MED23: variants seen among roughly 807,000 people sequenced by gnomAD.
MED23 encodes the protein mediator complex subunit 23, also known as mediator of RNA polymerase II transcription subunit 23.
Under a neutral mutation model 163.9 loss-of-function variants are expected in MED23, and 105 were observed. The ratio of observed to expected loss-of-function variants is 0.64; its 90% CI spans 0.55 to 0.75. The LOEUF (loss-of-function observed/expected upper bound fraction) is 0.75. Among genes scored for constraint, MED23 ranks in the 30% least tolerant of loss-of-function variants. MED23 has a pLI of 0.00. For missense variants in MED23, 1,054 were observed against 1,649.0 expected, an observed-to-expected ratio of 0.64 and a Z score of 6.25; for synonymous variants, 561 against 565.6, an observed-to-expected ratio of 0.99 and a Z score of 0.12.
At chr6:131,590,793 A>C (rs145769398) in intron 26 of MED23, among the ~76,000 whole-genome samples, 2,894 of 151,832 alleles carry the variant, frequency 0.019, 101 homozygotes, top group African/African-American at 0.065. Flanking sequence ...TAATTCTTTT[A>C]TTTTTAGTAG....
chr6:131,584,698 C>G (rs1165377201), downstream of MED23, among the ~76,000 whole-genome samples: 2 of 151,872 alleles, frequency 1.3e-5, no homozygotes, highest in Admixed American at 6.6e-5. Flanking sequence ...GGAAGATATT[C>G]CTGGCTGGAT....
chr6:131,603,290 T>C (rs1775617757), intron 15 of MED23, 86 bp from the exon 16 acceptor site: 1 of 1,313,340 alleles, frequency 7.6e-7, no homozygotes, highest in African/African-American at 1.5e-5. Flanking sequence ...GAGTAAAATA[T>C]AAAGATTTGA....
chr6:131,607,168 C>T (rs1041410531), intron 12 of MED23, among the ~76,000 whole-genome samples: 11 of 151,692 alleles, frequency 7.3e-5, no homozygotes, highest in African/African-American at 2.7e-4. Flanking sequence ...AAAGATGAAA[C>T]AAGAGTATTT....
intron 22 of MED23, among the ~76,000 whole-genome samples, chr6:131,595,079 T>C (rs959219597): frequency 6.6e-6 from 1 of 152,224 alleles, no homozygotes; most frequent in Non-Finnish European, 1.5e-5. Context: ...TGAGGGAAGG[T>C]ATCTTAAAGA....
intron 28 of MED23, 140 bp downstream of exon 28, chr6:131,589,325 G>A (rs1246126616): frequency 1.4e-6 from 1 of 713,580 alleles, no homozygotes; most frequent in East Asian, 2.7e-5. Context: ...GCCTAAAAAG[G>A]TCTCATACCC....
At chr6:131,583,901 C>T (rs1338971763), downstream of MED23, 1 of 1,613,916 alleles carries the variant, frequency 6.2e-7, no homozygotes. Flanking sequence ...CTTAACCCAC[C>T]TAAGTAAATG....
chr6:131,576,502 C>T (rs1420224988), intron 30 of MED23: 3 of 690,528 alleles, frequency 4.3e-6, no homozygotes, highest in Non-Finnish European at 7.7e-6. Flanking sequence ...TTCAGTCTAC[C>T]TTGCTGTGAA....
chr6:131,615,270 C>G, intron 10 of MED23: 5 of 1,598,130 alleles, frequency 3.1e-6, no homozygotes, highest in Non-Finnish European at 3.4e-6. Context: ...TCAGTGGCTA[C>G]AAAGCGGCCA....
chr6:131,581,144 A>C (rs1773899225), intron 30 of MED23: 1 of 1,456,770 alleles, frequency 6.9e-7, no homozygotes, highest in African/African-American at 1.4e-5. Context: ...ACCAAGTGGG[A>C]GCATTGAGTG....
chr6:131,590,399 G>A lies in MED23; in HGVS notation c.3730C>T (p.Gln1244Ter). ...VLLPIVKTEF[Q>*]LLYVYHLVGP... ...ACAAGATGGTATACATAAAGCAACT[G>A]GAATTCGGTCTTCACTATAGGAAGA... The change falls in exon 27 of 29, where the codon CAG becomes TAG. Residue 1244 changes from glutamine (Q) to a stop codon, truncating the protein, a stop_gained. Coordinates refer to ENST00000368068, the MANE Select transcript of MED23 (RefSeq NM_004830.4). LOFTEE classifies it high-confidence loss of function. 6.2e-7 allele frequency: 1 copy of A among 1,608,512 alleles called. No individual in the cohort carries two copies.
intron 10 of MED23, among the ~76,000 whole-genome samples, chr6:131,614,790 T>A (rs1776538743): frequency 6.6e-6 from 1 of 152,108 alleles, no homozygotes; most frequent in African/African-American, 2.4e-5. Flanking sequence ...AAGCAGCATA[T>A]CTCTATTAAA....
intron 28 of MED23, 111 bp from the exon 29 acceptor site, chr6:131,587,957 G>C: frequency 1.1e-6 from 1 of 890,140 alleles, no homozygotes; most frequent in Admixed American, 2.1e-5. Context: ...AGTGTCGTGG[G>C]GTAGATGAGA....
intron 22 of MED23, 52 bp downstream of exon 22, chr6:131,595,895 C>G: frequency 7.3e-7 from 1 of 1,364,238 alleles, no homozygotes; most frequent in African/African-American, 1.4e-5. Flanking sequence ...CCTGCCCATC[C>G]TACTTTTGAT....
downstream of MED23, chr6:131,583,210 G>T: frequency 6.2e-7 from 1 of 1,601,090 alleles, no homozygotes; most frequent in Non-Finnish European, 8.6e-7. Flanking sequence ...AACAGAAAAG[G>T]TTGCTACTGA....
rs140782579 is a variant in MED23 at position 131,601,920 on chromosome 6, T to C, written c.2095+298A>G. Among the ~76,000 whole-genome samples, 310 of 152,122 alleles carry C rather than the reference T, an allele frequency of 2.0e-3. 2 individuals are homozygous for C. Among genetic ancestry groups the C allele is most frequent in the African/African-American group, 6.9e-3 (285 of 41,508 alleles). ...ATATAATCCATATAAACAGAAACTC[T>C]TTGGGAATTTCAATTTTGTTTTTAA... On this transcript the variant is annotated intron_variant, in intron 17 of 28. Transcript: ENST00000368068.
intron 11 of MED23, among the ~76,000 whole-genome samples, chr6:131,608,462 T>C (rs1304322935): frequency 2.0e-5 from 3 of 151,912 alleles, no homozygotes. Context: ...GAATACTCTA[T>C]CACACCAAAA....
chr6:131,621,196 C>T (rs935549955), intron 6 of MED23, among the ~76,000 whole-genome samples: 1 of 152,044 alleles, frequency 6.6e-6, no homozygotes, highest in Non-Finnish European at 1.5e-5. Context: ...GGTCAAAGGA[C>T]AAAATTTCAC....
chr6:131,581,182 C>T (rs921307877), intron 30 of MED23: 1 of 1,610,106 alleles, frequency 6.2e-7, no homozygotes, highest in South Asian at 1.1e-5. Context: ...AGTGACACTG[C>T]AAACCTGATG....
chr6:131,605,250 C>A lies in MED23; in HGVS notation c.1603G>T (p.Ala535Ser), dbSNP rs1371620274. 3 of 1,613,452 alleles carry A rather than the reference C, an allele frequency of 1.9e-6. No individual in the cohort carries two copies. In the Admixed American group the frequency reaches 5.0e-5, roughly 27 times the overall value. Reference sequence around the variant, plus strand: ...ATAAAAAGAACATACCTCATTTTGGCATGAACTGTCAGTGAATCCAGGAGG... The same window carrying A: ...ATAAAAAGAACATACCTCATTTTGGAATGAACTGTCAGTGAATCCAGGAGG... ...MNLLDSLTVH[A>S]KMSLIHSIAT... The change falls in exon 14 of 29, where the codon GCC (alanine) becomes TCC (serine). Residue 535 changes from alanine (A) to serine (S), a missense_variant. Transcript: ENST00000368068.
Sources: gnomAD v4.1 joint callset for allele counts (sites outside exome capture counted in the v4.1 genomes callset) on GRCh38, gnomAD v4.1.1 for gene constraint, MANE v1.5 for transcripts, NCBI Gene and HGNC (gene_info 2026-07-23, HGNC 2026-07-21) for gene names.